GTF2F1: variants seen among roughly 807,000 people sequenced by gnomAD.
GTF2F1 encodes general transcription factor IIF subunit 1, also known as general transcription factor IIF 74 kDa subunit.
A neutral mutation model predicts 63.5 loss-of-function variants in GTF2F1; 39 were observed. The observed-to-expected ratio is 0.61, with a 90% CI of 0.48 to 0.80. GTF2F1 has a LOEUF of 0.80. GTF2F1 is among the 30% of genes least tolerant of loss of function. The probability of loss-of-function intolerance (pLI) is 0.00; values close to 1 mark genes in which losing one functional copy is unlikely to be tolerated. For missense variants in GTF2F1, 657 were observed against 718.3 expected (o/e 0.91, Z 0.97); for synonymous variants, 287 against 285.3 (o/e 1.01, Z -0.06).
At position 6,380,407 on chromosome 19, in the gene GTF2F1, C is replaced by T. The variant is rs768953273; in HGVS notation, c.1428G>A (p.Lys476=). 8 of 1,614,136 alleles carry T rather than the reference C, an allele frequency of 5.0e-6. No individual in the cohort carries two copies. The South Asian group carries it at 7.7e-5, about 16-fold the overall frequency. ...KPMTTKDLLK[K]FQTKKTGLSS... ...TCAGCCCTGTCTTCTTGGTCTGGAA[C>T]TTTTTCAGCAGGTCCTTAGTGGTCA... Residue 476 remains lysine (K), a synonymous_variant, in exon 13 of 13, where the codon AAG becomes AAA. Transcript: ENST00000394456. The surrounding 1 kb of genome is among the most constrained non-coding windows in gnomAD (Gnocchi z 5.3).
In GTF2F1 at chr19:6,393,004, G is replaced by T; in HGVS notation, c.-9C>A. On this transcript the variant is annotated 5_prime_UTR_variant, in exon 1 of 13. Transcript: ENST00000394456. ...CTCACTAGGGCCGCCATGGGCAATG[G>T]TCAGTGGTTCCGATCTGGTCCGACC... is the stretch of plus-strand genomic sequence containing the variant. 1 of 1,614,006 alleles carries T rather than the reference G, an allele frequency of 6.2e-7. No homozygotes were observed. Among genetic ancestry groups the T allele is most frequent in the East Asian group, 2.2e-5 (1 of 44,874 alleles).
chr19:6,387,622 C>A, intron 4 of GTF2F1, 63 bp from the exon 5 acceptor site: 2 of 1,216,318 alleles, frequency 1.6e-6, no homozygotes, highest in Non-Finnish European at 2.4e-6. Context: ...CCGTGTCCCC[C>A]CGGGGCCTGC....
At position 6,383,435 on chromosome 19, in the gene GTF2F1, G is replaced by C; in HGVS notation, c.558C>G (p.Asp186Glu). 6.2e-7 allele frequency: 1 copy of C among 1,614,174 alleles called. No individual in the cohort carries two copies. Among genetic ancestry groups the C allele is most frequent in the Non-Finnish European group, 8.5e-7 (1 of 1,180,034 alleles). Residue 186 changes from aspartate to glutamate, a missense_variant, in exon 6 of 13, where the codon GAC becomes GAG. Physicochemically the swap from Asp to Glu is conservative, Grantham distance 45. This residue lies in a region of GTF2F1 where 602 missense variants were observed against 625.6 expected (regional missense o/e 0.96). Transcript: ENST00000394456. This position sits in a 1 kb window ranked among gnomAD's most constrained non-coding sequence, Gnocchi z 4.5. ...CCTTCTCCTCCTCATCCTCGTCCTG[G>C]TCCTGATCCTTGAGCCGCCGCTGCT... is the stretch of plus-strand genomic sequence containing the variant. ...IMQQRRLKDQ[D>E]QDEDEEEKEK... is the part of the protein sequence containing the mutation.
chr19:6,393,116 G>C lies in GTF2F1; in HGVS notation c.-121C>G. 7.5e-7 allele frequency: 1 copy of C among 1,329,170 alleles called. No homozygotes were observed. The highest frequency in any genetic ancestry group is 1.1e-6 in the Non-Finnish European group (1 of 932,472). The allele number at this position is 1,329,170 out of a possible 1,614,324, so 82.3% of individuals were successfully genotyped here. A position where few individuals can be genotyped will look rare whatever the true frequency, so the allele number is the denominator to read the frequency against. ...TGTCGGGTCTCTGTGCCTGAGCGAG[G>C]ACCCCAACCCTAGGCGCCTCTGGCG... On this transcript the variant is annotated 5_prime_UTR_variant, in exon 1 of 13. Coordinates refer to ENST00000394456, the MANE Select transcript of GTF2F1 (RefSeq NM_002096.3).
At position 6,381,030 on chromosome 19, in the gene GTF2F1, G is replaced by C. The variant is rs2091946267; in HGVS notation, c.1105C>G (p.Pro369Ala). 2 of 1,611,698 alleles carry C rather than the reference G, an allele frequency of 1.2e-6. No homozygotes were observed. The highest frequency in any genetic ancestry group is 3.4e-5 in the Admixed American group (2 of 59,670). Residue 369 changes from proline to alanine, a missense_variant, in exon 11 of 13, where the codon CCA becomes GCA. Transcript: ENST00000394456. The surrounding 1 kb of genome is among the most constrained non-coding windows in gnomAD (Gnocchi z 4.1). ...GACGGCTTCCGCTCTCTCTTGGGTGGCGTCTTCTTCTTCTGCAGAGGTCAG... is the reference window on the plus strand; with the variant it reads ...GACGGCTTCCGCTCTCTCTTGGGTGCCGTCTTCTTCTTCTGCAGAGGTCAG... ...SALFMAKKKT[P>A]PKRERKPSGG...
chr19:6,385,036 C>T (rs944141897), intron 5 of GTF2F1, among the ~76,000 whole-genome samples: 4 of 151,940 alleles, frequency 2.6e-5, no homozygotes, highest in African/African-American at 9.7e-5. Flanking sequence ...CTTGACCTTG[C>T]GATCCGCTCT....
chr19:6,382,531 T>C (rs2091957158), intron 6 of GTF2F1, among the ~76,000 whole-genome samples: 1 of 151,216 alleles, frequency 6.6e-6, no homozygotes, highest in Admixed American at 6.6e-5. Flanking sequence ...CTTGGGAGGC[T>C]GAGGCAGGAG....
In GTF2F1 at chr19:6,379,738, C is replaced by G. The variant is rs1331996319; in HGVS notation, c.*543G>C. On this transcript the variant is annotated 3_prime_UTR_variant, in exon 13 of 13. Transcript: ENST00000394456. ...AACAGGCTCCCGCCACCATGCCTGG[C>G]TACTTTTTTTTTTTTTTTGTGCCAG... 2 of 123,826 alleles carry G rather than the reference C, an allele frequency of 1.6e-5. No homozygotes were observed. Among genetic ancestry groups the G allele is most frequent in the African/African-American group, 1.2e-4 (2 of 17,198 alleles). 7.7% of individuals were successfully genotyped at this position (123,826 alleles called of 1,614,324 possible). A position where few individuals can be genotyped will look rare whatever the true frequency, so the allele number is the denominator to read the frequency against.
rs1482080531 is a variant in GTF2F1, at chr19:6,393,063, CCTCGATCCCGGGGAAGCCGCCG to C, written c.-90_-69del. ...TTTCGTCTCCTCTGGCGTGCGCGTC[CCTCGATCCCGGGGAAGCCGCCG>C]CTCGGTGTCGGGTCTCTGTGCCTGA... On this transcript the variant is annotated 5_prime_UTR_variant, in exon 1 of 13. Transcript: ENST00000394456. The C allele has an allele frequency of 6.2e-7, 1 of 1,603,196 alleles. No homozygotes were observed. Among genetic ancestry groups the C allele is most frequent in the Non-Finnish European group, 8.5e-7 (1 of 1,172,536 alleles).
intron 4 of GTF2F1, 58 bp downstream of exon 4, chr19:6,389,386 G>A: frequency 6.6e-7 from 1 of 1,508,520 alleles, no homozygotes; most frequent in Non-Finnish European, 9.1e-7. Flanking sequence ...TATGTAAGTT[G>A]AGGCCTGGGG....
chr19:6,387,954 G>C (rs2145080266), intron 4 of GTF2F1, among the ~76,000 whole-genome samples: 1 of 150,040 alleles, frequency 6.7e-6, no homozygotes, highest in Non-Finnish European at 1.5e-5. Flanking sequence ...TTTTGAGATG[G>C]AGTCTCGCTC....
Position 6,383,298 on chromosome 19 carries a change from C to A in GTF2F1, c.682+13G>T, listed in dbSNP as rs199807691. On this transcript the variant is annotated intron_variant, in intron 6 of 12. Coordinates refer to ENST00000394456, the MANE Select transcript of GTF2F1 (RefSeq NM_002096.3). This position sits in a 1 kb window ranked among gnomAD's most constrained non-coding sequence, Gnocchi z 4.5. ...GCACCTCTGTGACCTAATGCCCAGG[C>A]GCCCGTACTCACCCTCCTCACCACT... 2 of 1,612,412 alleles carry A rather than the reference C, an allele frequency of 1.2e-6. No individual in the cohort carries two copies.
chr19:6,389,479 G>A lies in GTF2F1; in HGVS notation c.291C>T (p.Pro97=). 6.2e-7 allele frequency: 1 copy of A among 1,614,168 alleles called. No individual in the cohort carries two copies. The highest frequency in any genetic ancestry group is 8.5e-7 in the Non-Finnish European group (1 of 1,180,014). Residue 97 remains proline, a synonymous_variant, in exon 4 of 13, where the codon CCC becomes CCT. Coordinates refer to ENST00000394456, the MANE Select transcript of GTF2F1 (RefSeq NM_002096.3). ...VLKEFRPEDQ[P]WLLRVNGKSG... ...ATTTGCCGTTGACCCGGAGCAGCCA[G>A]GGCTGGTCCTCGGGCCGGAACTCCT...
chr19:6,389,753 A>G (rs759214660), intron 3 of GTF2F1, 116 bp from the exon 4 acceptor site: 4 of 859,394 alleles, frequency 4.7e-6, no homozygotes, highest in Non-Finnish European at 7.3e-6. Context: ...AAACCAACTT[A>G]CCACTTGGCA....
chr19:6,388,055 G>A (rs983077458), intron 4 of GTF2F1, among the ~76,000 whole-genome samples: 4 of 144,956 alleles, frequency 2.8e-5, no homozygotes, highest in African/African-American at 7.4e-5. Flanking sequence ...TCAGCCTCCC[G>A]AGTAGCTGGG....
chr19:6,380,410 T>C lies in GTF2F1; in HGVS notation c.1425A>G (p.Lys475=), dbSNP rs2091941919. The change falls in exon 13 of 13, where the codon AAA becomes AAG. Residue 475 remains lysine (K), a synonymous_variant. Transcript: ENST00000394456. This position sits in a 1 kb window ranked among gnomAD's most constrained non-coding sequence, Gnocchi z 5.3. ...GCCCTGTCTTCTTGGTCTGGAACTT[T>C]TTCAGCAGGTCCTTAGTGGTCATGG... ...RKPMTTKDLL[K]KFQTKKTGLS... is the part of the protein sequence containing the mutation. The C allele has an allele frequency of 1.4e-5, 23 of 1,613,992 alleles. No homozygotes were observed. The highest frequency in any genetic ancestry group is 1.9e-5 in the Non-Finnish European group (22 of 1,180,026).
chr19:6,385,731 T>C (rs2091971673), intron 5 of GTF2F1, among the ~76,000 whole-genome samples: 1 of 152,146 alleles, frequency 6.6e-6, no homozygotes, highest in African/African-American at 2.4e-5. Context: ...CCGGGGTTGC[T>C]TTTGGAGCTG....
intron 6 of GTF2F1, among the ~76,000 whole-genome samples, chr19:6,382,079 C>T (rs2091954621): frequency 6.6e-6 from 1 of 152,128 alleles, no homozygotes; most frequent in Admixed American, 6.5e-5. Context: ...CCCCCTCTCC[C>T]AGACCACCCG....
chr19:6,392,974 CCA>C lies in GTF2F1; in HGVS notation c.12+8_12+9del, dbSNP rs758144575. On this transcript the variant is annotated splice_region_variant and intron_variant, in intron 1 of 12. Coordinates refer to ENST00000394456, the MANE Select transcript of GTF2F1 (RefSeq NM_002096.3). ...TCGGAACCCCCGAACCCCGCCAAATCCACACTCACTAGGGCCGCCATGGGCAA... is the reference window on the plus strand; with the variant it reads ...TCGGAACCCCCGAACCCCGCCAAATCCACTCACTAGGGCCGCCATGGGCAA... 1.7e-5 allele frequency: 27 copies of C among 1,614,050 alleles called. No homozygotes were observed. The highest frequency in any genetic ancestry group is 2.2e-5 in the Non-Finnish European group (26 of 1,180,042).
Sources: allele counts gnomAD v4.1 joint callset (sites outside exome capture counted in the v4.1 genomes callset), GRCh38; gene constraint gnomAD v4.1.1; regional missense constraint gnomAD v4.1.1; non-coding constraint Gnocchi (gnomAD v3.1); transcripts MANE v1.5; gene names NCBI Gene and HGNC (gene_info 2026-07-23, HGNC 2026-07-21).